Variants in RGS22 observed in about 807,000 individuals in gnomAD.
RGS22 encodes regulator of G-protein signaling 22.
Under a neutral mutation model 172.9 loss-of-function variants are expected in RGS22, and 148 were observed. That is an observed-to-expected ratio of 0.86 (90% CI 0.75 to 0.98). RGS22 has a LOEUF of 0.98. Ranked by LOEUF, RGS22 falls within the 50% of genes least tolerant of loss-of-function variation. RGS22 has a pLI of 0.00. For synonymous variants in RGS22, 458 were observed against 480.2 expected (o/e 0.95, Z 0.60); for missense variants, 1,347 against 1,440.8 (o/e 0.93, Z 1.05).
At chr8:100,054,940 G>C (rs1822090483) in intron 9 of RGS22, among the ~76,000 whole-genome samples, 1 of 152,210 alleles carries the variant, frequency 6.6e-6, no homozygotes, top group Non-Finnish European at 1.5e-5. Context: ...GGAAGGAACA[G>C]TGGGAAGCAC....
intron 22 of RGS22, among the ~76,000 whole-genome samples, chr8:99,981,227 A>G (rs890408909): frequency 3.3e-5 from 5 of 152,190 alleles, no homozygotes; most frequent in Admixed American, 2.6e-4. Flanking sequence ...GTTTTCTATT[A>G]TTTATCTTAA....
chr8:100,031,767 T>A (rs567294621), intron 14 of RGS22, among the ~76,000 whole-genome samples: 8 of 152,134 alleles, frequency 5.3e-5, no homozygotes, highest in Non-Finnish European at 1.0e-4. Flanking sequence ...CATTCTCTAG[T>A]AGTGCTCTCT....
At chr8:100,052,366 A>G (rs924587143) in intron 10 of RGS22, among the ~76,000 whole-genome samples, 196 of 149,084 alleles carry the variant, frequency 1.3e-3, no homozygotes, top group African/African-American at 4.8e-3. Flanking sequence ...CAGTGGCGCT[A>G]TCTCGGCTCA....
In RGS22 at chr8:100,105,371, T is replaced by C. The variant is rs761572564; in HGVS notation, c.54+3A>G. 20 of 1,607,056 alleles carry C rather than the reference T, an allele frequency of 1.2e-5. No individual in the cohort carries two copies. The African/African-American group carries it at 1.5e-4, about 12-fold the overall frequency. On this transcript the variant is annotated splice_donor_region_variant and intron_variant, in intron 2 of 27. Transcript: ENST00000360863. ...AAAAATAGCCCCTTGAAATGATACT[T>C]ACAAATTCTTCTTCTGTAATAGTTG... is the stretch of plus-strand genomic sequence containing the variant.
chr8:100,062,576 T>C lies in RGS22; in HGVS notation c.1514+15A>G. On this transcript the variant is annotated intron_variant, in intron 9 of 27. Transcript: ENST00000360863. Reference sequence around the variant, plus strand: ...AAGGAAAGTGAAAGTAAGTAACTGATTCATGTTTTCTTACCAATACAGAAG... The same window carrying C: ...AAGGAAAGTGAAAGTAAGTAACTGACTCATGTTTTCTTACCAATACAGAAG... The C allele has an allele frequency of 6.5e-7, 1 of 1,539,594 alleles. No individual in the cohort carries two copies. Among genetic ancestry groups the C allele is most frequent in the South Asian group, 1.2e-5 (1 of 85,564 alleles).
chr8:99,965,495 G>C, intron 23 of RGS22, 65 bp from the exon 24 acceptor site: 3 of 1,193,264 alleles, frequency 2.5e-6, no homozygotes, highest in Non-Finnish European at 3.6e-6. Flanking sequence ...TAAACTTATG[G>C]CTAAGGAGTT....
chr8:100,090,424 G>A (rs1241173643), intron 3 of RGS22, among the ~76,000 whole-genome samples: 1 of 151,994 alleles, frequency 6.6e-6, no homozygotes, highest in African/African-American at 2.4e-5. Context: ...TGTGAAATGA[G>A]ATATAAAGGT....
intron 4 of RGS22, among the ~76,000 whole-genome samples, chr8:100,079,739 GAGCCACACA>G (rs1809447090): frequency 6.6e-6 from 1 of 152,094 alleles, no homozygotes; most frequent in Non-Finnish European, 1.5e-5. Context: ...AGGGAGGTCA[GAGCCACACA>G]ATGCAACTTG....
At chr8:100,052,592 G>A (rs1278347936) in intron 10 of RGS22, among the ~76,000 whole-genome samples, 7 of 152,056 alleles carry the variant, frequency 4.6e-5, no homozygotes, top group Non-Finnish European at 8.8e-5. Context: ...GAGCCACCGC[G>A]CCCGGCCATG....
At chr8:100,026,703 C>T (rs1431453194) in intron 14 of RGS22, among the ~76,000 whole-genome samples, 2 of 152,042 alleles carry the variant, frequency 1.3e-5, no homozygotes, top group African/African-American at 4.8e-5. Context: ...GCTGAAGATA[C>T]TAGAAAGATG....
intron 20 of RGS22, among the ~76,000 whole-genome samples, chr8:99,989,857 C>CAGAT (rs1333408045): frequency 1.3e-3 from 183 of 137,830 alleles, no homozygotes; most frequent in African/African-American, 4.6e-3. Context: ...GATAGATAGA[C>CAGAT]AGACAGATAG....
At chr8:99,975,317 T>C (rs967443014) in intron 23 of RGS22, among the ~76,000 whole-genome samples, 6 of 152,172 alleles carry the variant, frequency 3.9e-5, no homozygotes, top group African/African-American at 1.4e-4. Context: ...GTGACAGAAT[T>C]TTAAAAGTAC....
chr8:100,028,092 C>T (rs1818375063), intron 14 of RGS22, among the ~76,000 whole-genome samples: 1 of 152,032 alleles, frequency 6.6e-6, no homozygotes, highest in African/African-American at 2.4e-5. Flanking sequence ...CTTAGTGTCA[C>T]TTTTCGCCTC....
intron 9 of RGS22, chr8:100,054,483 A>G (rs902609977): frequency 1.3e-5 from 2 of 154,100 alleles, no homozygotes; most frequent in South Asian, 2.0e-4. Flanking sequence ...AGTCCTATCT[A>G]CTTGGGAAGC....
Position 100,032,160 on chromosome 8 carries a change from T to C in RGS22, c.2166+6771A>G, listed in dbSNP as rs193184184. Among the ~76,000 whole-genome samples, 39 of 152,092 alleles carry C rather than the reference T, an allele frequency of 2.6e-4. No individual in the cohort carries two copies. In the East Asian group the frequency reaches 7.5e-3, roughly 29 times the overall value. ...TCATAATCACAGGATCAAATTCACA[T>C]ATAACAATATTAACCTTAAATGTAA... On this transcript the variant is annotated intron_variant, in intron 14 of 27. Transcript: ENST00000360863.
chr8:99,982,803 C>A lies in RGS22; in HGVS notation c.3181-687G>T, dbSNP rs192387886. ...TTAATGATCACACATTAAAATGAGC[C>A]ACTTAAAAAATTGTCAACATTTATT... On this transcript the variant is annotated intron_variant, in intron 21 of 27. Coordinates refer to ENST00000360863, the MANE Select transcript of RGS22 (RefSeq NM_015668.5). Among the ~76,000 whole-genome samples, 4 of 152,172 alleles carry A rather than the reference C, an allele frequency of 2.6e-5. No individual in the cohort carries two copies. The East Asian group carries it at 7.7e-4, about 29-fold the overall frequency.
intron 9 of RGS22, among the ~76,000 whole-genome samples, chr8:100,056,425 G>GA (rs1822258528): frequency 6.6e-6 from 1 of 152,216 alleles, no homozygotes; most frequent in African/African-American, 2.4e-5. Context: ...AGACAATGGA[G>GA]AAAATGTCTC....
chr8:100,037,511 A>G (rs3133697), intron 14 of RGS22, among the ~76,000 whole-genome samples: 1,831 of 152,284 alleles, frequency 0.012, 57 homozygotes, highest in East Asian at 0.11. Context: ...CGAAAATCCC[A>G]AAACAGAATA....
Position 99,962,630 on chromosome 8 carries a change from G to T in RGS22, c.3790+57C>A, listed in dbSNP as rs929916425. On this transcript the variant is annotated intron_variant, in intron 26 of 27. Coordinates refer to ENST00000360863, the MANE Select transcript of RGS22 (RefSeq NM_015668.5). Reference sequence around the variant, plus strand: ...TACATTCTGAATGGCCAGGTGAGAGGCAAAACTCCATCAAAAAGAAAGAAA... The same window carrying T: ...TACATTCTGAATGGCCAGGTGAGAGTCAAAACTCCATCAAAAAGAAAGAAA... 2.6e-6 allele frequency: 4 copies of T among 1,533,378 alleles called. No individual in the cohort carries two copies. In the South Asian group the frequency reaches 4.8e-5, roughly 19 times the overall value. 95.0% of individuals were successfully genotyped at this position (1,533,378 alleles called of 1,614,324 possible).
Sources: allele counts gnomAD v4.1 joint callset (sites outside exome capture counted in the v4.1 genomes callset), GRCh38; gene constraint gnomAD v4.1.1; transcripts MANE v1.5; gene names NCBI Gene and HGNC (gene_info 2026-07-23, HGNC 2026-07-21).